The following LDB2 variants were observed in gnomAD, a reference collection of about 807,000 sequenced individuals.
LDB2 encodes the protein LIM domain binding 2.
A neutral mutation model predicts 44.3 loss-of-function variants in LDB2; 12 were observed. The observed-to-expected ratio is 0.27, with a 90% CI of 0.17 to 0.44. The LOEUF is 0.44. Among genes scored for constraint, LDB2 ranks in the 20% least tolerant of loss-of-function variants. LDB2 has a pLI of 1.00. For missense variants in LDB2, 344 were observed against 473.5 expected (o/e 0.73, Z 2.54); for synonymous variants, 164 against 174.8 (o/e 0.94, Z 0.49).
intron 5 of LDB2, among the ~76,000 whole-genome samples, chr4:16,519,140 C>T (rs1724992596): frequency 6.6e-6 from 1 of 152,156 alleles, no homozygotes; most frequent in Admixed American, 6.5e-5. Flanking sequence ...TTTTATTTAA[C>T]ACGGTATTAG....
intron 1 of LDB2, among the ~76,000 whole-genome samples, chr4:16,870,989 G>A (rs1005426884): frequency 6.6e-6 from 1 of 152,176 alleles, no homozygotes. Context: ...TGCATACACT[G>A]CTTCCTCTGG....
At chr4:16,521,075 C>A (rs764904003) in intron 5 of LDB2, among the ~76,000 whole-genome samples, 7 of 152,104 alleles carry the variant, frequency 4.6e-5, no homozygotes, top group South Asian at 2.1e-4. Context: ...TGGCTTCAGG[C>A]GAGGTTTGGC....
At chr4:16,804,848 A>G (rs1293803295) in intron 1 of LDB2, among the ~76,000 whole-genome samples, 2 of 152,204 alleles carry the variant, frequency 1.3e-5, no homozygotes, top group Admixed American at 1.3e-4. Context: ...TGCCTTGGCC[A>G]CCATAACAAA....
At chr4:16,885,128 TG>T (rs201984079) in intron 1 of LDB2, among the ~76,000 whole-genome samples, 1,768 of 135,140 alleles carry the variant, frequency 0.013, 15 homozygotes, top group Middle Eastern at 0.052. Flanking sequence ...GAGACCAGCC[TG>T]GGCAACATAG....
intron 1 of LDB2, among the ~76,000 whole-genome samples, chr4:16,770,571 G>C (rs761008420): frequency 6.6e-6 from 1 of 152,034 alleles, no homozygotes; most frequent in South Asian, 2.1e-4. Context: ...GGCCCCAAGC[G>C]GTTAAGAAAT....
intron 5 of LDB2, among the ~76,000 whole-genome samples, chr4:16,531,205 G>C (rs1174781904): frequency 6.6e-6 from 1 of 152,198 alleles, no homozygotes; most frequent in Non-Finnish European, 1.5e-5. Flanking sequence ...TTACAAAACT[G>C]TTATCCCTCT....
In LDB2 at chr4:16,585,938, G is replaced by C. The variant is rs1236966771; in HGVS notation, c.599C>G (p.Thr200Ser). The C allele has an allele frequency of 6.2e-7, 1 of 1,613,142 alleles. No homozygotes were observed. The highest frequency in any genetic ancestry group is 1.3e-5 in the African/African-American group (1 of 74,884). ...TGATCTTACCCTGAGGTAGTTGAGG[G>C]TGAAGTTTGTTAGCCCCATCCTGGT... is the stretch of plus-strand genomic sequence containing the variant. ...NITRMGLTNF[T>S]LNYLRLCVIL... The change falls in exon 5 of 8, where the codon ACC becomes AGC. Residue 200 changes from threonine to serine, a missense_variant. Thr to Ser is a moderately conservative substitution (Grantham distance 58, BLOSUM62 1). This residue lies in a region of LDB2 where 226 missense variants were observed against 270.1 expected (regional missense o/e 0.84). Coordinates refer to ENST00000304523, the MANE Select transcript of LDB2 (RefSeq NM_001290.5).
At position 16,536,346 on chromosome 4, in the gene LDB2, A is replaced by T. The variant is rs113241679; in HGVS notation, c.616-24242T>A. Among the ~76,000 whole-genome samples, 598 of 152,270 alleles carry T rather than the reference A, an allele frequency of 3.9e-3. 12 individuals carry two copies. The highest frequency in any genetic ancestry group is 0.013 in the African/African-American group (560 of 41,552). On this transcript the variant is annotated intron_variant, in intron 5 of 7. Transcript: ENST00000304523. ...ACTCCTGCTTTATCGTAAATGTCTG[A>T]GGGCTGTGGCTTTCCAAATTGATTG...
intron 5 of LDB2, among the ~76,000 whole-genome samples, chr4:16,554,255 G>A (rs1738705853): frequency 6.6e-6 from 1 of 151,998 alleles, no homozygotes; most frequent in Non-Finnish European, 1.5e-5. Flanking sequence ...TCTCCATGTT[G>A]GTCAGGCTGG....
intron 5 of LDB2, among the ~76,000 whole-genome samples, chr4:16,519,590 C>G (rs1282582106): frequency 6.7e-6 from 1 of 149,956 alleles, no homozygotes; most frequent in Non-Finnish European, 1.5e-5. Flanking sequence ...GGGGTTTGAA[C>G]CCAGATGAAT....
chr4:16,888,439 T>G (rs1176813403), intron 1 of LDB2, among the ~76,000 whole-genome samples: 1 of 152,154 alleles, frequency 6.6e-6, no homozygotes, highest in Non-Finnish European at 1.5e-5. Flanking sequence ...TGCAGGAGAT[T>G]GTGACTACTC....
intron 1 of LDB2, among the ~76,000 whole-genome samples, chr4:16,868,655 G>A (rs1715481989): frequency 6.6e-6 from 1 of 152,218 alleles, no homozygotes; most frequent in African/African-American, 2.4e-5. Context: ...AAAGGATGAA[G>A]ACTGAAGTGA....
At chr4:16,794,227 C>T (rs1561252697) in intron 1 of LDB2, among the ~76,000 whole-genome samples, 1 of 152,108 alleles carries the variant, frequency 6.6e-6, no homozygotes, top group Non-Finnish European at 1.5e-5. Flanking sequence ...TTGGTTTACA[C>T]CCCCTAAAAT....
chr4:16,583,191 C>T (rs537520376), intron 5 of LDB2, among the ~76,000 whole-genome samples: 3 of 152,274 alleles, frequency 2.0e-5, no homozygotes, highest in South Asian at 2.1e-4. Flanking sequence ...CTTGTTTTGA[C>T]GAAGCTAGAT....
intron 1 of LDB2, among the ~76,000 whole-genome samples, chr4:16,785,297 C>T (rs1774184867): frequency 6.6e-6 from 1 of 152,112 alleles, no homozygotes; most frequent in African/African-American, 2.4e-5. Flanking sequence ...GAGACTGAAG[C>T]AGGCACCAAC....
intron 2 of LDB2, among the ~76,000 whole-genome samples, chr4:16,708,204 G>T (rs1488960126): frequency 6.6e-6 from 1 of 152,072 alleles, no homozygotes; most frequent in Non-Finnish European, 1.5e-5. Flanking sequence ...GCCCAGCAGG[G>T]TGTGGTGGCA....
At chr4:16,602,898 TCTC>T (rs1483722443) in intron 2 of LDB2, among the ~76,000 whole-genome samples, 1 of 152,162 alleles carries the variant, frequency 6.6e-6, no homozygotes, top group African/African-American at 2.4e-5. Flanking sequence ...CCATCTTGTC[TCTC>T]CTGTTTCCCC....
intron 1 of LDB2, among the ~76,000 whole-genome samples, chr4:16,874,517 GA>G (rs1286486631): frequency 6.6e-6 from 1 of 152,174 alleles, no homozygotes; most frequent in African/African-American, 2.4e-5. Flanking sequence ...TGGTTTGGAA[GA>G]AAAGGAGGGA....
chr4:16,638,909 C>T lies in LDB2; in HGVS notation c.236-43034G>A, dbSNP rs139592960. On this transcript the variant is annotated intron_variant, in intron 2 of 7. Coordinates refer to ENST00000304523, the MANE Select transcript of LDB2 (RefSeq NM_001290.5). ...AGAGATGCAATCTCCAATTTGGAAT[C>T]GGTAAGATCCTTTTTTAATGCTCTG... Among the ~76,000 whole-genome samples, 50 of 152,164 alleles carry T rather than the reference C, an allele frequency of 3.3e-4. No homozygotes were observed. The East Asian group carries it at 7.4e-3, about 22-fold the overall frequency.
Sources: gnomAD v4.1 joint callset for allele counts (sites outside exome capture counted in the v4.1 genomes callset) on GRCh38, gnomAD v4.1.1 for gene constraint, gnomAD v4.1.1 regional missense constraint, MANE v1.5 for transcripts, NCBI Gene and HGNC (gene_info 2026-07-23, HGNC 2026-07-21) for gene names.